CRYBG1: variants seen among roughly 807,000 people sequenced by gnomAD.
CRYBG1 encodes crystallin beta-gamma domain containing 1, also known as beta/gamma crystallin domain-containing protein 1.
In CRYBG1, 139 loss-of-function variants were observed where a neutral mutation model predicts 189.2. The ratio of observed to expected loss-of-function variants is 0.73; its 90% CI spans 0.64 to 0.85. The LOEUF (loss-of-function observed/expected upper bound fraction) is 0.85. CRYBG1 is among the 40% of genes least tolerant of loss of function. The pLI is 0.00. For missense variants in CRYBG1, 2,611 were observed against 2,675.8 expected (o/e 0.98, Z 0.53); for synonymous variants, 1,023 against 1,017.1 (o/e 1.01, Z -0.11).
intron 1 of CRYBG1, among the ~76,000 whole-genome samples, chr6:106,362,799 TGA>T (rs1771905800): frequency 6.6e-6 from 1 of 152,234 alleles, no homozygotes. Flanking sequence ...TACCCAACAT[TGA>T]AGTTCTTTTC....
In CRYBG1 at chr6:106,525,399, C is replaced by CT; in HGVS notation, c.4412+16dup. Reference sequence around the variant, plus strand: ...TTGTTAGAGGATGGTAAGAATGGCACTTTAAGTTCCTGATGTCAAGTGTTT... The same window carrying CT: ...TTGTTAGAGGATGGTAAGAATGGCACTTTTAAGTTCCTGATGTCAAGTGTTT... On this transcript the variant is annotated intron_variant, in intron 6 of 21. Transcript: ENST00000633556. 1 of 1,588,500 alleles carries CT rather than the reference C, an allele frequency of 6.3e-7. No individual in the cohort carries two copies. Among genetic ancestry groups the CT allele is most frequent in the Non-Finnish European group, 8.6e-7 (1 of 1,156,608 alleles).
At chr6:106,422,344 A>ATTTATTTATTTTTATTTTTT (rs57640822) in intron 1 of CRYBG1, among the ~76,000 whole-genome samples, 2 of 139,990 alleles carry the variant, frequency 1.4e-5, no homozygotes, top group African/African-American at 5.3e-5. Context: ...TTATTTATTT[A>ATTTATTTATTTTTATTTTTT]TTTTTGAGAC....
At chr6:106,490,013 A>G (rs1306863931) in intron 2 of CRYBG1, among the ~76,000 whole-genome samples, 2 of 152,216 alleles carry the variant, frequency 1.3e-5, no homozygotes, top group Non-Finnish European at 2.9e-5. Context: ...GAACTATAGG[A>G]AGAATTTGTC....
chr6:106,475,689 G>GA (rs1257876291), intron 2 of CRYBG1, among the ~76,000 whole-genome samples: 1 of 152,188 alleles, frequency 6.6e-6, no homozygotes, highest in East Asian at 1.9e-4. Flanking sequence ...TTATCCTGAA[G>GA]AAAGTGGATA....
chr6:106,459,009 G>A (rs903050825), intron 2 of CRYBG1, among the ~76,000 whole-genome samples: 1 of 152,160 alleles, frequency 6.6e-6, no homozygotes, highest in South Asian at 2.1e-4. Flanking sequence ...TATATCTCAT[G>A]GCACACTATA....
In CRYBG1 at chr6:106,448,033, G is replaced by T. The variant is rs183332689; in HGVS notation, c.174-3661G>T. Among the ~76,000 whole-genome samples, 63 of 152,344 alleles carry T rather than the reference G, an allele frequency of 4.1e-4. 1 individual carries two copies. The highest frequency in any genetic ancestry group is 3.8e-3 in the Admixed American group (58 of 15,308). On this transcript the variant is annotated intron_variant, in intron 1 of 21. Coordinates refer to ENST00000633556, the MANE Select transcript of CRYBG1 (RefSeq NM_001371242.2). ...TAAGCTTGCTAGGAGTAGAAGGCCT[G>T]TGACTGACTCTAGAGAGGAAGTAGA...
chr6:106,533,762 A>T (rs1278824963), intron 8 of CRYBG1, among the ~76,000 whole-genome samples: 3 of 152,208 alleles, frequency 2.0e-5, no homozygotes, highest in Admixed American at 2.0e-4. Flanking sequence ...AGTGAGATTC[A>T]GGAGCTCAGT....
intron 1 of CRYBG1, among the ~76,000 whole-genome samples, chr6:106,368,740 T>C (rs1695988624): frequency 6.6e-6 from 1 of 152,110 alleles, no homozygotes; most frequent in African/African-American, 2.4e-5. Flanking sequence ...CAATGACCCC[T>C]CATAACAGAG....
intron 18 of CRYBG1, among the ~76,000 whole-genome samples, chr6:106,559,568 G>A (rs1582840274): frequency 1.3e-5 from 2 of 152,250 alleles, no homozygotes; most frequent in South Asian, 4.1e-4. Context: ...TGGATCACCT[G>A]AGGTCAGGAG....
rs562967654 is a variant in CRYBG1, at chr6:106,553,507, AAAC to A, written c.5531_5533del (p.Thr1844del). ...CAAGGTCACAGTCAAAGTTTTGAAG[AAAC>A]AACAAGTCAAATTGATGATTCATTT... On this transcript the variant is annotated inframe_deletion, in exon 16 of 22. Coordinates refer to ENST00000633556, the MANE Select transcript of CRYBG1 (RefSeq NM_001371242.2). The A allele has an allele frequency of 1.4e-4, 233 of 1,614,030 alleles. No individual in the cohort carries two copies. Among genetic ancestry groups the A allele is most frequent in the Non-Finnish European group, 1.8e-4 (218 of 1,179,978 alleles).
At chr6:106,530,044 C>A (rs1394646234) in intron 7 of CRYBG1, 132 bp from the exon 8 acceptor site, 1 of 771,948 alleles carries the variant, frequency 1.3e-6, no homozygotes, top group Non-Finnish European at 1.9e-6. Flanking sequence ...GCTAAAATGG[C>A]AGGTGCTCTG....
Position 106,512,419 on chromosome 6 carries a change from CGCCGA to C in CRYBG1, c.1305_1309del (p.Glu436ProfsTer2). 1 of 1,608,676 alleles carries C rather than the reference CGCCGA, an allele frequency of 6.2e-7. No homozygotes were observed. The highest frequency in any genetic ancestry group is 8.5e-7 in the Non-Finnish European group (1 of 1,178,280). On this transcript the variant is annotated frameshift_variant, in exon 3 of 22. Coordinates refer to ENST00000633556, the MANE Select transcript of CRYBG1 (RefSeq NM_001371242.2). LOFTEE classifies it high-confidence loss of function. ...AATCCACCGACTCCCCCGGCGCGGA[CGCCGA>C]GCTCCCTGAGAGCGCTGCCAGGGAC...
chr6:106,566,732 C>A (rs1399079674), intron 21 of CRYBG1, among the ~76,000 whole-genome samples: 2 of 152,034 alleles, frequency 1.3e-5, no homozygotes, highest in Non-Finnish European at 2.9e-5. Flanking sequence ...CAGCGCCGCA[C>A]GTCCCACACC....
At chr6:106,471,673 T>C (rs77755471) in intron 2 of CRYBG1, among the ~76,000 whole-genome samples, 2,227 of 152,088 alleles carry the variant, frequency 0.015, 55 homozygotes, top group African/African-American at 0.051. Flanking sequence ...ACAGGTGGAG[T>C]GTGGGTCATC....
intron 1 of CRYBG1, among the ~76,000 whole-genome samples, chr6:106,440,487 G>A (rs9480669): frequency 0.025 from 3,863 of 152,106 alleles, 131 homozygotes; most frequent in African/African-American, 0.078. Flanking sequence ...GGCTGGTCTC[G>A]AACCCCTGAT....
At chr6:106,419,623 A>G (rs778074543) in intron 1 of CRYBG1, among the ~76,000 whole-genome samples, 5 of 152,204 alleles carry the variant, frequency 3.3e-5, no homozygotes, top group Non-Finnish European at 7.3e-5. Flanking sequence ...GGCTCAAGCA[A>G]TCCTCCCAAC....
intron 8 of CRYBG1, among the ~76,000 whole-genome samples, chr6:106,533,350 C>G (rs1433724449): frequency 6.6e-6 from 1 of 152,240 alleles, no homozygotes; most frequent in African/African-American, 2.4e-5. Flanking sequence ...AGGGATAAGA[C>G]AGGGCTCAGG....
chr6:106,432,498 G>C (rs973122685), intron 1 of CRYBG1, among the ~76,000 whole-genome samples: 2 of 132,194 alleles, frequency 1.5e-5, no homozygotes, highest in Non-Finnish European at 3.3e-5. Flanking sequence ...GATGAAAGAT[G>C]ACCCAGTACC....
chr6:106,423,045 C>A (rs1771158391), intron 1 of CRYBG1, among the ~76,000 whole-genome samples: 1 of 152,132 alleles, frequency 6.6e-6, no homozygotes, highest in South Asian at 2.1e-4. Flanking sequence ...TATCAGACCA[C>A]CATTTGGTAA....
Sources: gnomAD v4.1 joint callset for allele counts (sites outside exome capture counted in the v4.1 genomes callset) on GRCh38, gnomAD v4.1.1 for gene constraint, MANE v1.5 for transcripts, NCBI Gene and HGNC (gene_info 2026-07-23, HGNC 2026-07-21) for gene names.